Variants in GAS2 observed in about 807,000 individuals in gnomAD.
GAS2 encodes the protein growth arrest-specific protein 2.
GAS2 carries 20 observed loss-of-function variants against 37.5 expected under a neutral mutation model. The ratio of observed to expected loss-of-function variants is 0.53; its 90% CI spans 0.37 to 0.77. GAS2 has a LOEUF of 0.77. Among genes scored for constraint, GAS2 ranks in the 30% least tolerant of loss-of-function variants. The pLI is 0.00. For synonymous variants in GAS2, 144 were observed against 132.2 expected (o/e 1.09, Z -0.61); for missense variants, 336 against 373.4 (o/e 0.90, Z 0.82).
In GAS2 at chr11:22,812,367, C is replaced by T. The variant is rs770206076; in HGVS notation, c.*351C>T. ...TTTGCAGATAAGTCAACAGAAAGTG[C>T]CTGCTTTACACTCATGAGTAAAAGC... is the stretch of plus-strand genomic sequence containing the variant. On this transcript the variant is annotated 3_prime_UTR_variant, in exon 8 of 8. Coordinates refer to ENST00000454584, the MANE Select transcript of GAS2 (RefSeq NM_001143830.3). The T allele has an allele frequency of 5.5e-6, 1 of 183,308 alleles. No homozygotes were observed. The highest frequency in any genetic ancestry group is 1.5e-4 in the East Asian group (1 of 6,588). 11.4% of individuals were successfully genotyped at this position (183,308 alleles called of 1,614,324 possible).
At chr11:22,695,218 G>C (rs969814243) in intron 3 of GAS2, among the ~76,000 whole-genome samples, 10 of 152,110 alleles carry the variant, frequency 6.6e-5, no homozygotes, top group Admixed American at 5.9e-4. Flanking sequence ...CACTTGGGAG[G>C]CTGAGGCAGG....
At chr11:22,735,507 T>C (rs914043250) in intron 4 of GAS2, among the ~76,000 whole-genome samples, 2 of 151,830 alleles carry the variant, frequency 1.3e-5, no homozygotes, top group Non-Finnish European at 3.0e-5. Flanking sequence ...CTTCTCAGTT[T>C]GCCAAATTGC....
chr11:22,688,740 T>G (rs1028178771), intron 3 of GAS2, among the ~76,000 whole-genome samples: 3 of 152,162 alleles, frequency 2.0e-5, no homozygotes, highest in African/African-American at 7.2e-5. Flanking sequence ...TTTTTTCTGA[T>G]TGTGATAAAG....
chr11:22,656,262 T>G (rs967727275), intron 1 of GAS2, among the ~76,000 whole-genome samples: 1 of 152,236 alleles, frequency 6.6e-6, no homozygotes, highest in Admixed American at 6.5e-5. Flanking sequence ...CATCATCTCC[T>G]TCTGAGTTGC....
intron 3 of GAS2, among the ~76,000 whole-genome samples, chr11:22,686,426 A>G (rs1849953939): frequency 6.6e-6 from 1 of 151,790 alleles, no homozygotes; most frequent in Non-Finnish European, 1.5e-5. Flanking sequence ...AAATATTAAA[A>G]TAATGTTGGC....
chr11:22,791,353 G>C (rs1856153649), intron 7 of GAS2, among the ~76,000 whole-genome samples: 1 of 152,176 alleles, frequency 6.6e-6, no homozygotes, highest in Non-Finnish European at 1.5e-5. Context: ...CCAGGTCCAT[G>C]GTGTAGATGG....
chr11:22,671,026 T>C (rs977476763), intron 1 of GAS2, among the ~76,000 whole-genome samples: 4 of 152,144 alleles, frequency 2.6e-5, no homozygotes, highest in South Asian at 2.1e-4. Context: ...CATGGAAGAA[T>C]ACTTTTTCTT....
intron 3 of GAS2, among the ~76,000 whole-genome samples, chr11:22,689,267 C>A (rs1484925048): frequency 6.6e-6 from 1 of 152,118 alleles, no homozygotes; most frequent in Non-Finnish European, 1.5e-5. Context: ...CACATGTCCC[C>A]TCCGAACCTA....
intron 7 of GAS2, among the ~76,000 whole-genome samples, chr11:22,782,802 G>A (rs1222797854): frequency 5.7e-4 from 74 of 130,636 alleles, no homozygotes; most frequent in Non-Finnish European, 8.9e-4. Flanking sequence ...TAGTGTCTAC[G>A]TACCATGGTA....
At chr11:22,696,254 G>C (rs10833800) in intron 3 of GAS2, among the ~76,000 whole-genome samples, 32,055 of 150,160 alleles carry the variant, frequency 0.21, 3,847 homozygotes, top group East Asian at 0.41. Context: ...CATCCATGTC[G>C]CTACAAAGGA....
At chr11:22,762,944 G>A (rs1854475717) in intron 7 of GAS2, among the ~76,000 whole-genome samples, 1 of 152,028 alleles carries the variant, frequency 6.6e-6, no homozygotes, top group South Asian at 2.1e-4. Context: ...AAGTAGACTG[G>A]TATTACGTCA....
chr11:22,789,281 CATAT>C (rs1210684540), intron 7 of GAS2, among the ~76,000 whole-genome samples: 5 of 109,870 alleles, frequency 4.6e-5, no homozygotes, highest in African/African-American at 1.1e-4. Context: ...GCCTAGATTT[CATAT>C]ATATATATAT....
At chr11:22,805,431 C>A (rs1247689840) in intron 7 of GAS2, among the ~76,000 whole-genome samples, 1 of 151,984 alleles carries the variant, frequency 6.6e-6, no homozygotes, top group African/African-American at 2.4e-5. Context: ...ATATATCATT[C>A]TTAACTATAG....
intron 1 of GAS2, among the ~76,000 whole-genome samples, chr11:22,628,381 G>T (rs925195964): frequency 1.3e-5 from 2 of 152,088 alleles, no homozygotes; most frequent in East Asian, 1.9e-4. Flanking sequence ...CCAAGTGAGA[G>T]AAATAATATA....
intron 7 of GAS2, among the ~76,000 whole-genome samples, chr11:22,789,783 G>A (rs1001373391): frequency 2.6e-5 from 4 of 151,876 alleles, no homozygotes; most frequent in Non-Finnish European, 4.4e-5. Flanking sequence ...TATTTTTAAT[G>A]TAGTCTTTGA....
chr11:22,770,338 C>G (rs988029011), intron 7 of GAS2, among the ~76,000 whole-genome samples: 8 of 152,142 alleles, frequency 5.3e-5, no homozygotes, highest in African/African-American at 1.9e-4. Flanking sequence ...AAATAAATAG[C>G]AATGGTAGGG....
intron 1 of GAS2, among the ~76,000 whole-genome samples, chr11:22,654,046 G>A (rs546185988): frequency 1.8e-4 from 27 of 152,314 alleles, no homozygotes; most frequent in Non-Finnish European, 3.4e-4. Context: ...ATTCTTGAAT[G>A]TTCAGGTTTT....
chr11:22,628,342 G>A (rs1858691723), intron 1 of GAS2, among the ~76,000 whole-genome samples: 1 of 152,150 alleles, frequency 6.6e-6, no homozygotes, highest in Admixed American at 6.5e-5. Flanking sequence ...GCCTCAAAGT[G>A]TTTGAACAAT....
chr11:22,811,672 A>T, intron 7 of GAS2, 126 bp from the exon 8 acceptor site: 2 of 860,654 alleles, frequency 2.3e-6, no homozygotes, highest in Non-Finnish European at 1.8e-6. Context: ...GACATTTTGC[A>T]CCAAGTAGAA....
Sources: gnomAD v4.1 joint callset for allele counts (sites outside exome capture counted in the v4.1 genomes callset) on GRCh38, gnomAD v4.1.1 for gene constraint, MANE v1.5 for transcripts, NCBI Gene and HGNC (gene_info 2026-07-23, HGNC 2026-07-21) for gene names.